SNTG1: variants seen among roughly 807,000 people sequenced by gnomAD.
SNTG1 encodes the protein syntrophin gamma 1, also known as gamma-1-syntrophin.
SNTG1 carries 39 observed loss-of-function variants against 74.7 expected under a neutral mutation model. That is an observed-to-expected ratio of 0.52 (90% CI 0.40 to 0.68). SNTG1 has a LOEUF of 0.68. SNTG1 is among the 30% of genes least tolerant of loss of function. The pLI is 0.00. For missense variants in SNTG1, 685 were observed against 609.5 expected, an observed-to-expected ratio of 1.12 and a Z score of -1.30; for synonymous variants, 254 against 217.1, an observed-to-expected ratio of 1.17 and a Z score of -1.49.
chr8:50,543,935 G>T (rs2094367018), intron 11 of SNTG1, among the ~76,000 whole-genome samples: 1 of 151,970 alleles, frequency 6.6e-6, no homozygotes, highest in South Asian at 2.1e-4. Flanking sequence ...ATGACATTGA[G>T]CCTCTTTTTA....
chr8:50,392,867 A>G (rs1329026957), intron 2 of SNTG1, among the ~76,000 whole-genome samples: 1 of 152,154 alleles, frequency 6.6e-6, no homozygotes, highest in Non-Finnish European at 1.5e-5. Context: ...ATATGAAACA[A>G]ATATGAGGTT....
intron 2 of SNTG1, among the ~76,000 whole-genome samples, chr8:50,290,496 T>G (rs1212488920): frequency 6.6e-6 from 1 of 152,162 alleles, no homozygotes; most frequent in Non-Finnish European, 1.5e-5. Context: ...GTTCCTGGGG[T>G]TTAAGGAAAG....
intron 15 of SNTG1, among the ~76,000 whole-genome samples, chr8:50,695,546 A>T (rs2095401724): frequency 6.6e-6 from 1 of 151,628 alleles, no homozygotes; most frequent in South Asian, 2.1e-4. Context: ...ACATGCATAT[A>T]TTGTGTAGTG....
chr8:50,348,685 G>A (rs766886668), intron 2 of SNTG1, among the ~76,000 whole-genome samples: 23 of 152,256 alleles, frequency 1.5e-4, no homozygotes, highest in Non-Finnish European at 2.8e-4. Context: ...AACCTTGCAA[G>A]CATATGACCC....
intron 18 of SNTG1, among the ~76,000 whole-genome samples, chr8:50,755,486 GTTTA>G (rs1330523369): frequency 6.6e-6 from 1 of 151,870 alleles, no homozygotes; most frequent in South Asian, 2.1e-4. Flanking sequence ...ATGTACAACA[GTTTA>G]TTTATCCATT....
At chr8:50,207,944 T>C (rs926479976) in intron 2 of SNTG1, among the ~76,000 whole-genome samples, 48 of 152,222 alleles carry the variant, frequency 3.2e-4, no homozygotes, top group African/African-American at 1.1e-3. Flanking sequence ...TTTGTTATAA[T>C]TTCTGTTCTT....
chr8:50,018,724 T>G (rs1395278012), intron 1 of SNTG1, among the ~76,000 whole-genome samples: 1 of 152,044 alleles, frequency 6.6e-6, no homozygotes, highest in Non-Finnish European at 1.5e-5. Context: ...AAGAATATGT[T>G]AATACATCAT....
At chr8:50,109,740 G>A (rs570139604) in intron 1 of SNTG1, among the ~76,000 whole-genome samples, 1 of 152,140 alleles carries the variant, frequency 6.6e-6, no homozygotes, top group South Asian at 2.1e-4. Context: ...ATATCAGTGA[G>A]CCCTATTGAA....
chr8:50,318,640 T>C (rs1200980772), intron 2 of SNTG1, among the ~76,000 whole-genome samples: 1 of 152,130 alleles, frequency 6.6e-6, no homozygotes, highest in Non-Finnish European at 1.5e-5. Context: ...ACTGGGAAAA[T>C]TTCCTTAAGT....
At chr8:50,249,619 C>T (rs2086558130) in intron 2 of SNTG1, among the ~76,000 whole-genome samples, 1 of 152,160 alleles carries the variant, frequency 6.6e-6, no homozygotes, top group African/African-American at 2.4e-5. Flanking sequence ...TGCATGTGTC[C>T]TACCAATGAC....
intron 1 of SNTG1, among the ~76,000 whole-genome samples, chr8:49,917,861 GC>G (rs1167920530): frequency 3.3e-5 from 5 of 152,180 alleles, no homozygotes; most frequent in Admixed American, 6.5e-5. Context: ...CAGAAAGTGA[GC>G]CCGTCAAGAG....
intron 11 of SNTG1, among the ~76,000 whole-genome samples, chr8:50,539,820 T>C (rs2094333699): frequency 6.6e-6 from 1 of 152,206 alleles, no homozygotes; most frequent in Non-Finnish European, 1.5e-5. Context: ...AGACAATGGT[T>C]CCATTGGTAT....
At chr8:50,010,411 A>G (rs1815664394) in intron 1 of SNTG1, among the ~76,000 whole-genome samples, 1 of 152,156 alleles carries the variant, frequency 6.6e-6, no homozygotes, top group Admixed American at 6.5e-5. Flanking sequence ...AATTTTAACA[A>G]TGAGATGCAA....
chr8:50,114,537 G>GGGAAATGTT (rs1329948224), intron 1 of SNTG1, among the ~76,000 whole-genome samples: 1 of 152,070 alleles, frequency 6.6e-6, no homozygotes, highest in Non-Finnish European at 1.5e-5. Context: ...AAGGAAACTG[G>GGGAAATGTT]GGAAATGTTG....
intron 17 of SNTG1, among the ~76,000 whole-genome samples, chr8:50,734,708 C>G (rs867738793): frequency 1.6e-4 from 23 of 143,242 alleles, no homozygotes; most frequent in African/African-American, 4.8e-4. Context: ...ATATATCTCT[C>G]TATATATGGA....
chr8:50,621,921 G>C (rs1470610078), intron 13 of SNTG1, among the ~76,000 whole-genome samples: 1 of 152,124 alleles, frequency 6.6e-6, no homozygotes, highest in African/African-American at 2.4e-5. Flanking sequence ...TTCATACCCA[G>C]ATGCTTTCTG....
At chr8:50,380,671 G>A (rs1236376502) in intron 2 of SNTG1, among the ~76,000 whole-genome samples, 1 of 152,122 alleles carries the variant, frequency 6.6e-6, no homozygotes, top group Non-Finnish European at 1.5e-5. Flanking sequence ...CTGGGCAATG[G>A]AGCATTTGAA....
chr8:50,170,117 A>T (rs2082754151), intron 1 of SNTG1, among the ~76,000 whole-genome samples: 1 of 152,128 alleles, frequency 6.6e-6, no homozygotes, highest in Non-Finnish European at 1.5e-5. Context: ...TCTAGTTCTA[A>T]TGTCTGCTCA....
intron 18 of SNTG1, among the ~76,000 whole-genome samples, chr8:50,779,868 A>G (rs1184763470): frequency 2.6e-5 from 4 of 151,788 alleles, no homozygotes; most frequent in Non-Finnish European, 5.9e-5. Context: ...TTATTTTGAG[A>G]TATGTCCCAT....
Sources: gnomAD v4.1 joint callset for allele counts (sites outside exome capture counted in the v4.1 genomes callset) on GRCh38, gnomAD v4.1.1 for gene constraint, MANE v1.5 for transcripts, NCBI Gene and HGNC (gene_info 2026-07-23, HGNC 2026-07-21) for gene names.